The following CCDC187 variants were observed in gnomAD, a reference collection of about 807,000 sequenced individuals.
The protein encoded by CCDC187 is coiled-coil domain containing 187, also known as coiled-coil domain-containing protein 187.
CCDC187 carries 32 observed loss-of-function variants against 38.0 expected under a neutral mutation model. That is an observed-to-expected ratio of 0.84 (90% confidence interval 0.64 to 1.13). The LOEUF is 1.13. Among genes scored for constraint, CCDC187 ranks in the 50% most tolerant of loss-of-function variants. CCDC187 has a pLI of 0.00. For synonymous variants in CCDC187, 333 were observed against 347.9 expected, an observed-to-expected ratio of 0.96 and a Z score of 0.48; for missense variants, 707 against 786.8, an observed-to-expected ratio of 0.90 and a Z score of 1.21.
rs1831327111 is a variant in CCDC187 at position 136,291,431 on chromosome 9, T to G, written c.1182A>C (p.Gly394=). ...GCTTTGATGGCCCGAGCTCTTGCCCTCCCTTGCGGGCCTGGGCCAGCTCCA... is the reference window on the plus strand; with the variant it reads ...GCTTTGATGGCCCGAGCTCTTGCCCGCCCTTGCGGGCCTGGGCCAGCTCCA... ...AGLELAQARK[G]GQELGPSKRR... The change falls in exon 6 of 26, where the codon GGA becomes GGC. Residue 394 remains glycine (G), a synonymous_variant. Transcript: ENST00000638797. 1.0e-5 allele frequency: 4 copies of G among 398,726 alleles called. No homozygotes were observed. Among genetic ancestry groups the G allele is most frequent in the African/African-American group, 8.2e-5 (4 of 48,626 alleles). The allele number at this position is 398,726 out of a possible 1,614,324, so 24.7% of individuals were successfully genotyped here. A position where few individuals can be genotyped will look rare whatever the true frequency, so the allele number is the denominator to read the frequency against.
rs1271509957 is a variant in CCDC187, at chr9:136,252,836, C to A, written c.*758G>T. ...CACACCTGGGAGATGGGTACAGCGG[C>A]CTGAGTCTGTCTCCAGGAGCGGCTT... On this transcript the variant is annotated 3_prime_UTR_variant, in exon 26 of 26. Coordinates refer to ENST00000638797, the MANE Select transcript of CCDC187 (RefSeq NM_001378188.1). 6.6e-5 allele frequency: 10 copies of A among 152,344 alleles called. No homozygotes were observed. Among genetic ancestry groups the A allele is most frequent in the African/African-American group, 2.4e-4 (10 of 41,452 alleles). 9.4% of individuals were successfully genotyped at this position (152,344 alleles called of 1,614,324 possible). A position where few individuals can be genotyped will look rare whatever the true frequency, so the allele number is the denominator to read the frequency against.
intron 7 of CCDC187, among the ~76,000 whole-genome samples, chr9:136,288,064 C>T (rs1831223615): frequency 1.3e-5 from 2 of 152,032 alleles, no homozygotes; most frequent in African/African-American, 2.4e-5. Flanking sequence ...TGCAGCTGCC[C>T]GAGACGACGA....
chr9:136,264,057 G>A lies in CCDC187; in HGVS notation c.3736-259C>T, dbSNP rs1252898270. 6.5e-6 allele frequency: 1 copy of A among 152,964 alleles called. No homozygotes were observed. The highest frequency in any genetic ancestry group is 1.5e-5 in the Non-Finnish European group (1 of 68,742). The allele number at this position is 152,964 out of a possible 1,614,324, so 9.5% of individuals were successfully genotyped here. ...TACTCTTTCCCCAGGGCCCACGCAGGGCTGGCACAGGCTGGCTGGGCCTCG... is the reference window on the plus strand; with the variant it reads ...TACTCTTTCCCCAGGGCCCACGCAGAGCTGGCACAGGCTGGCTGGGCCTCG... On this transcript the variant is annotated intron_variant, in intron 17 of 25. Transcript: ENST00000638797. The surrounding 1 kb of genome is among the most constrained non-coding windows in gnomAD (Gnocchi z 4.3).
At position 136,264,327 on chromosome 9, in the gene CCDC187, C is replaced by A. The variant is rs1055860509; in HGVS notation, c.3736-529G>T. ...CCCCACTGGGGAGTCCCAGACCCCACCTCCACCACGGCATCTCTATCTGCG... is the reference window on the plus strand; with the variant it reads ...CCCCACTGGGGAGTCCCAGACCCCAACTCCACCACGGCATCTCTATCTGCG... On this transcript the variant is annotated intron_variant, in intron 17 of 25. Transcript: ENST00000638797. This position sits in a 1 kb window ranked among gnomAD's most constrained non-coding sequence, Gnocchi z 4.3. 3.3e-5 allele frequency: 5 copies of A among 152,304 alleles called. No homozygotes were observed. Among genetic ancestry groups the A allele is most frequent in the Non-Finnish European group, 7.3e-5 (5 of 68,090 alleles). 9.4% of individuals were successfully genotyped at this position (152,304 alleles called of 1,614,324 possible).
chr9:136,288,070 G>A (rs1440926117), intron 7 of CCDC187, among the ~76,000 whole-genome samples: 2 of 152,166 alleles, frequency 1.3e-5, no homozygotes, highest in African/African-American at 2.4e-5. Flanking sequence ...TGCCCGAGAC[G>A]ACGAGTCCCA....
chr9:136,262,208 T>G, intron 19 of CCDC187, 103 bp downstream of exon 19: 4 of 965,002 alleles, frequency 4.1e-6, no homozygotes, highest in Non-Finnish European at 4.9e-6. Context: ...CCCCGGCCCC[T>G]GAGCCAGGCT....
chr9:136,306,231 T>G (rs962285240), upstream of CCDC187, among the ~76,000 whole-genome samples: 1,876 of 152,178 alleles, frequency 0.012, 42 homozygotes, highest in African/African-American at 0.043. Context: ...GCCAGCCACA[T>G]CCCCACCCTA....
intron 10 of CCDC187, among the ~76,000 whole-genome samples, chr9:136,279,138 A>C (rs1830990511): frequency 6.6e-6 from 1 of 152,060 alleles, no homozygotes; most frequent in Non-Finnish European, 1.5e-5. Flanking sequence ...TAAATCTAGA[A>C]GCTTCCATTG....
chr9:136,271,204 G>A (rs192657881), intron 14 of CCDC187, among the ~76,000 whole-genome samples: 10 of 152,266 alleles, frequency 6.6e-5, no homozygotes, highest in African/African-American at 1.7e-4. Context: ...TCCACAGGTC[G>A]AAGAATCTCA....
intron 23 of CCDC187, 55 bp from the exon 24 acceptor site, chr9:136,256,378 A>C (rs1588648685): frequency 2.3e-6 from 2 of 879,178 alleles, no homozygotes; most frequent in South Asian, 1.0e-4. Flanking sequence ...GTCTCTGTCC[A>C]CCTCCCGTAG....
intron 14 of CCDC187, among the ~76,000 whole-genome samples, chr9:136,269,853 C>T (rs368263145): frequency 1.3e-5 from 2 of 152,128 alleles, no homozygotes; most frequent in East Asian, 1.9e-4. Context: ...GTAACTCTAT[C>T]GCATATGTTA....
At chr9:136,265,046 A>G (rs1035791643) in intron 17 of CCDC187, among the ~76,000 whole-genome samples, 1 of 152,152 alleles carries the variant, frequency 6.6e-6, no homozygotes, top group Non-Finnish European at 1.5e-5. Context: ...TGCCTCACCC[A>G]GCCAGGTTCT....
At chr9:136,277,827 TGGTGTATGGATGGAGCCAAGACCA>T (rs1264038763) in intron 10 of CCDC187, among the ~76,000 whole-genome samples, 1 of 152,164 alleles carries the variant, frequency 6.6e-6, no homozygotes, top group Non-Finnish European at 1.5e-5. Context: ...CACTGTTGGC[TGGTGTATGGATGGAGCCAAGACCA>T]GGATCCCCAC....
chr9:136,262,797 C>A (rs1830695026), intron 18 of CCDC187, among the ~76,000 whole-genome samples: 1 of 152,222 alleles, frequency 6.6e-6, no homozygotes, highest in South Asian at 2.1e-4. Context: ...ATCATTCAAT[C>A]CTCATCCCCA....
At chr9:136,260,515 C>T (rs1220934719) in intron 19 of CCDC187, among the ~76,000 whole-genome samples, 2 of 151,804 alleles carry the variant, frequency 1.3e-5, no homozygotes, top group African/African-American at 4.8e-5. Flanking sequence ...TGGACTGTCC[C>T]TCCCAGGTGC....
chr9:136,261,448 G>C (rs974261679), intron 19 of CCDC187, among the ~76,000 whole-genome samples: 1 of 152,104 alleles, frequency 6.6e-6, no homozygotes, highest in Non-Finnish European at 1.5e-5. Flanking sequence ...TGACACCCAT[G>C]CTGGGGTCCA....
At chr9:136,260,369 C>T (rs1453448408) in intron 19 of CCDC187, 105 bp from the exon 20 acceptor site, 3 of 875,956 alleles carry the variant, frequency 3.4e-6, no homozygotes, top group East Asian at 2.5e-4. Context: ...TGGGAACAAC[C>T]TCATGTCACA....
At chr9:136,256,177 C>CT (rs2131109043) in intron 24 of CCDC187, 34 bp downstream of exon 24, 1 of 976,422 alleles carries the variant, frequency 1.0e-6, no homozygotes, top group Non-Finnish European at 1.2e-6. Flanking sequence ...GTGCCTCACG[C>CT]TCCACCCCTG....
At chr9:136,292,818 A>G (rs1831368024) in intron 4 of CCDC187, among the ~76,000 whole-genome samples, 1 of 152,232 alleles carries the variant, frequency 6.6e-6, no homozygotes, top group East Asian at 1.9e-4. Flanking sequence ...CAGAGCCAGC[A>G]GTCACACGGG....
Sources: allele counts gnomAD v4.1 joint callset (sites outside exome capture counted in the v4.1 genomes callset), GRCh38; gene constraint gnomAD v4.1.1; non-coding constraint Gnocchi (gnomAD v3.1); transcripts MANE v1.5; gene names NCBI Gene and HGNC (gene_info 2026-07-23, HGNC 2026-07-21).